The following VAV3 variants were observed in gnomAD, a reference collection of about 807,000 sequenced individuals.
VAV3 encodes guanine nucleotide exchange factor VAV3.
A neutral mutation model predicts 131.2 loss-of-function variants in VAV3; 94 were observed. The ratio of observed to expected loss-of-function variants is 0.72; its 90% CI spans 0.61 to 0.85. VAV3 has a LOEUF of 0.85. VAV3 is among the 40% of genes least tolerant of loss of function. The pLI is 0.00. For missense variants in VAV3, 939 were observed against 1,002.7 expected (o/e 0.94, Z 0.86); for synonymous variants, 349 against 342.0 (o/e 1.02, Z -0.22).
In VAV3 at chr1:107,576,469, G is replaced by C. The variant is rs1483459466; in HGVS notation, c.2351-2271C>G. On this transcript the variant is annotated intron_variant, in intron 25 of 26. Coordinates refer to ENST00000370056, the MANE Select transcript of VAV3 (RefSeq NM_006113.5). ...TACAAAAGAAAAGCCACAGAACAAA[G>C]AGGGGGCTTTGAGAAAGAAAGAAAA... 3.3e-6 allele frequency: 5 copies of C among 1,505,858 alleles called. No individual in the cohort carries two copies. In the African/African-American group the frequency reaches 5.6e-5, roughly 17 times the overall value. The allele number at this position is 1,505,858 out of a possible 1,614,324, so 93.3% of individuals were successfully genotyped here.
At chr1:107,924,199 G>C (rs531440798) in intron 1 of VAV3, among the ~76,000 whole-genome samples, 1 of 152,172 alleles carries the variant, frequency 6.6e-6, no homozygotes, top group East Asian at 1.9e-4. Flanking sequence ...ACAGAAATTT[G>C]TCAACAACCC....
At chr1:107,957,714 AAG>A (rs1327111102) in intron 1 of VAV3, among the ~76,000 whole-genome samples, 1 of 152,144 alleles carries the variant, frequency 6.6e-6, no homozygotes. Flanking sequence ...GAGTAAAGGG[AAG>A]AGAGAGTTTT....
At chr1:107,862,941 A>G (rs1214962359) in intron 2 of VAV3, among the ~76,000 whole-genome samples, 2 of 152,204 alleles carry the variant, frequency 1.3e-5, no homozygotes, top group Non-Finnish European at 2.9e-5. Context: ...ATCAGTAAAT[A>G]CCAAAAAAAC....
chr1:107,602,717 C>T (rs1391267867), intron 23 of VAV3, among the ~76,000 whole-genome samples: 2 of 151,990 alleles, frequency 1.3e-5, no homozygotes, highest in Non-Finnish European at 2.9e-5. Context: ...ATTCATTATG[C>T]ACAATTTATT....
chr1:107,752,447 T>C (rs1332460279), intron 12 of VAV3, among the ~76,000 whole-genome samples: 2 of 152,222 alleles, frequency 1.3e-5, no homozygotes, highest in Admixed American at 6.5e-5. Flanking sequence ...TTCTTCGAGA[T>C]TGATAAATGG....
chr1:107,611,395 A>G (rs1652715523), intron 21 of VAV3, among the ~76,000 whole-genome samples: 1 of 152,156 alleles, frequency 6.6e-6, no homozygotes, highest in Non-Finnish European at 1.5e-5. Flanking sequence ...GGTAAATTAT[A>G]CCCATTCTAA....
intron 20 of VAV3, among the ~76,000 whole-genome samples, chr1:107,634,863 G>GA (rs1654792800): frequency 6.6e-6 from 1 of 152,060 alleles, no homozygotes; most frequent in Admixed American, 6.6e-5. Context: ...AAAGACACAT[G>GA]AAAAAATGCT....
chr1:107,730,673 TTGATTTTATAAAAA>T (rs1191990081), intron 15 of VAV3, among the ~76,000 whole-genome samples: 1 of 152,244 alleles, frequency 6.6e-6, no homozygotes, highest in Non-Finnish European at 1.5e-5. Context: ...TACTTATTAT[TTGATTTTATAAAAA>T]TATCAAATTC....
chr1:107,702,147 G>T (rs1237434502), intron 17 of VAV3, among the ~76,000 whole-genome samples: 1 of 152,174 alleles, frequency 6.6e-6, no homozygotes, highest in Admixed American at 6.5e-5. Flanking sequence ...CCACATGGCT[G>T]GGGAGGCCTC....
chr1:107,673,177 GTATT>G (rs1265655176), intron 19 of VAV3, among the ~76,000 whole-genome samples: 1 of 152,144 alleles, frequency 6.6e-6, no homozygotes, highest in East Asian at 1.9e-4. Flanking sequence ...TTTCTGAAGA[GTATT>G]TAATGACTCA....
chr1:107,807,777 T>C (rs985905797), intron 2 of VAV3, among the ~76,000 whole-genome samples: 2 of 152,214 alleles, frequency 1.3e-5, no homozygotes, highest in African/African-American at 2.4e-5. Context: ...ACTTATGGCA[T>C]GTTACTTTAA....
chr1:107,644,378 C>T (rs992764824), intron 19 of VAV3, among the ~76,000 whole-genome samples: 1 of 152,072 alleles, frequency 6.6e-6, no homozygotes, highest in African/African-American at 2.4e-5. Context: ...AATTGCAGTT[C>T]ACCTCCTTTT....
intron 25 of VAV3, chr1:107,578,771 G>GTC (rs560716661): frequency 8.9e-4 from 874 of 984,930 alleles, no homozygotes; most frequent in Middle Eastern, 1.6e-3. Context: ...CCATCCTTGT[G>GTC]TCTCTCTCTC....
At chr1:107,635,941 C>T (rs1180087037) in intron 20 of VAV3, among the ~76,000 whole-genome samples, 2 of 152,150 alleles carry the variant, frequency 1.3e-5, no homozygotes, top group East Asian at 3.9e-4. Flanking sequence ...GTTCACTCAT[C>T]TATAAATTGA....
At chr1:107,684,911 C>T (rs144546513) in intron 18 of VAV3, among the ~76,000 whole-genome samples, 31 of 152,244 alleles carry the variant, frequency 2.0e-4, no homozygotes, top group African/African-American at 7.2e-4. Context: ...TAAACAACAT[C>T]GAACAACACA....
At chr1:107,697,321 A>C (rs905321526) in intron 17 of VAV3, among the ~76,000 whole-genome samples, 1 of 152,220 alleles carries the variant, frequency 6.6e-6, no homozygotes, top group African/African-American at 2.4e-5. Context: ...ATGAACTATG[A>C]GCATTCGGTG....
intron 1 of VAV3, among the ~76,000 whole-genome samples, chr1:107,937,631 A>G (rs1257444582): frequency 6.6e-6 from 1 of 152,232 alleles, no homozygotes; most frequent in Admixed American, 6.5e-5. Flanking sequence ...ACAATGCTAA[A>G]GAAAGTATGC....
rs75893236 is a variant in VAV3, at chr1:107,704,183, A to C, written c.1705+367T>G. Among the ~76,000 whole-genome samples, 1,225 of 152,316 alleles carry C rather than the reference A, an allele frequency of 8.0e-3. 18 individuals carry two copies. The highest frequency in any genetic ancestry group is 0.027 in the African/African-American group (1,116 of 41,570). On this transcript the variant is annotated intron_variant, in intron 17 of 26. Transcript: ENST00000370056. ...GAATAAAAAGGAAATTTAAGAACTA[A>C]AGATAGAAGAATATATTCTTTCTGT...
At chr1:107,809,577 A>G (rs1345606709) in intron 2 of VAV3, among the ~76,000 whole-genome samples, 2 of 151,722 alleles carry the variant, frequency 1.3e-5, no homozygotes, top group Non-Finnish European at 2.9e-5. Flanking sequence ...TTTGTAAACC[A>G]ATGAACTTAT....
Sources: allele counts gnomAD v4.1 joint callset (sites outside exome capture counted in the v4.1 genomes callset), GRCh38; gene constraint gnomAD v4.1.1; transcripts MANE v1.5; gene names NCBI Gene and HGNC (gene_info 2026-07-23, HGNC 2026-07-21).